The following WASF1 variants were observed in gnomAD, a reference collection of about 807,000 sequenced individuals.
The protein encoded by WASF1 is WASP family member 1.
In WASF1, 7 loss-of-function variants were observed where a neutral mutation model predicts 50.5. The observed-to-expected ratio is 0.14, with a 90% CI of 0.08 to 0.26. The LOEUF (loss-of-function observed/expected upper bound fraction) is 0.26, where lower values mean the gene tolerates loss of function less well. WASF1 is among the 10% of genes least tolerant of loss of function. WASF1 has a pLI of 1.00. For synonymous variants in WASF1, 205 were observed against 244.0 expected (o/e 0.84, Z 1.49); for missense variants, 470 against 694.7 (o/e 0.68, Z 3.64).
At chr6:110,175,787 C>G (rs1330099707) in intron 2 of WASF1, among the ~76,000 whole-genome samples, 1 of 152,104 alleles carries the variant, frequency 6.6e-6, no homozygotes, top group African/African-American at 2.4e-5. Context: ...AGAACAAGTT[C>G]CTAATAATGT....
At chr6:110,126,854 CCT>C (rs1774439703) in intron 4 of WASF1, among the ~76,000 whole-genome samples, 1 of 152,188 alleles carries the variant, frequency 6.6e-6, no homozygotes, top group Admixed American at 6.6e-5. Flanking sequence ...CCCTAATCTG[CCT>C]CTTTCACTGG....
intron 2 of WASF1, among the ~76,000 whole-genome samples, chr6:110,162,337 G>A (rs1170768044): frequency 2.0e-5 from 3 of 150,016 alleles, no homozygotes; most frequent in Non-Finnish European, 4.5e-5. Flanking sequence ...GATTTGTCAC[G>A]CAGACAACGT....
intron 3 of WASF1, among the ~76,000 whole-genome samples, chr6:110,160,268 G>A (rs990374414): frequency 2.0e-5 from 3 of 151,772 alleles, no homozygotes; most frequent in Non-Finnish European, 2.9e-5. Flanking sequence ...ATGGGAAAAC[G>A]AGATATAGGA....
chr6:110,113,084 C>CA (rs1773639926), intron 5 of WASF1, among the ~76,000 whole-genome samples: 1 of 151,580 alleles, frequency 6.6e-6, no homozygotes, highest in African/African-American at 2.4e-5. Flanking sequence ...CTTCTTTATG[C>CA]AAAAAAATTA....
intron 2 of WASF1, among the ~76,000 whole-genome samples, chr6:110,171,751 C>A (rs190642102): frequency 6.6e-6 from 1 of 152,176 alleles, no homozygotes; most frequent in East Asian, 1.9e-4. Flanking sequence ...AGGCAACCTA[C>A]AGAATGGGAG....
intron 9 of WASF1, 116 bp from the exon 10 acceptor site, chr6:110,102,332 A>C: frequency 9.5e-7 from 1 of 1,053,026 alleles, no homozygotes; most frequent in Non-Finnish European, 1.2e-6. Flanking sequence ...ATCCAATAAC[A>C]TGCTCCTATA....
rs1423262232 is a variant in WASF1, at chr6:110,108,680, C to T, written c.270G>A (p.Leu90=). ...TCCTCATTGTTATATCTTGCAAAGACACTAAAACAAAAATCAAGAATTCAT... is the reference window on the plus strand; with the variant it reads ...TCCTCATTGTTATATCTTGCAAAGATACTAAAACAAAAATCAAGAATTCAT... ...VTQLDPKEEE[L]SLQDITMRKA... is the part of the protein sequence containing the mutation. Residue 90 remains leucine, a splice_region_variant and synonymous_variant, in exon 6 of 11, where the codon TTG becomes TTA. Transcript: ENST00000392589. 6.2e-7 allele frequency: 1 copy of T among 1,608,248 alleles called. No homozygotes were observed. Among genetic ancestry groups the T allele is most frequent in the Admixed American group, 1.7e-5 (1 of 58,226 alleles).
chr6:110,153,835 T>A (rs548663403), intron 3 of WASF1, among the ~76,000 whole-genome samples: 1 of 151,552 alleles, frequency 6.6e-6, no homozygotes, highest in South Asian at 2.1e-4. Context: ...GATTTGTGTG[T>A]GTCTGGTAAT....
At chr6:110,174,309 C>T (rs78413083) in intron 2 of WASF1, among the ~76,000 whole-genome samples, 1,816 of 152,192 alleles carry the variant, frequency 0.012, 11 homozygotes, top group South Asian at 0.028. Flanking sequence ...TGTATTTGTT[C>T]AACACCTGTT....
At chr6:110,104,791 A>C (rs1773245894) in intron 8 of WASF1, among the ~76,000 whole-genome samples, 2 of 152,204 alleles carry the variant, frequency 1.3e-5, no homozygotes, top group Non-Finnish European at 2.9e-5. Context: ...TCTGTCTCAA[A>C]ACAAACAAAC....
At chr6:110,164,931 G>T (rs981955153) in intron 2 of WASF1, among the ~76,000 whole-genome samples, 1 of 151,576 alleles carries the variant, frequency 6.6e-6, no homozygotes, top group Non-Finnish European at 1.5e-5. Context: ...CCAAGTCAAA[G>T]AAGCGAATTT....
chr6:110,135,634 G>A (rs1774912135), intron 3 of WASF1, among the ~76,000 whole-genome samples: 1 of 148,646 alleles, frequency 6.7e-6, no homozygotes. Context: ...CTATGAATAT[G>A]TTACATTATA....
chr6:110,148,344 A>C (rs1028898672), intron 3 of WASF1, among the ~76,000 whole-genome samples: 2 of 152,088 alleles, frequency 1.3e-5, no homozygotes, highest in Non-Finnish European at 2.9e-5. Flanking sequence ...TCCCCCGTGT[A>C]TTTCCTAGAA....
intron 3 of WASF1, among the ~76,000 whole-genome samples, chr6:110,154,151 A>G (rs1193844128): frequency 6.6e-6 from 1 of 152,146 alleles, no homozygotes; most frequent in African/African-American, 2.4e-5. Context: ...ACGGACTCAC[A>G]GGCAGAGACT....
At chr6:110,152,547 T>A (rs995077146) in intron 3 of WASF1, among the ~76,000 whole-genome samples, 1 of 152,110 alleles carries the variant, frequency 6.6e-6, no homozygotes, top group Non-Finnish European at 1.5e-5. Context: ...TGTTAGATAT[T>A]AAAAGAGAAG....
At chr6:110,123,872 G>C (rs1450047940) in intron 4 of WASF1, among the ~76,000 whole-genome samples, 1 of 151,540 alleles carries the variant, frequency 6.6e-6, no homozygotes, top group East Asian at 1.9e-4. Flanking sequence ...GACTAATCTT[G>C]GCAATAAGAA....
At chr6:110,143,486 C>T (rs191006007) in intron 3 of WASF1, among the ~76,000 whole-genome samples, 1 of 152,004 alleles carries the variant, frequency 6.6e-6, no homozygotes, top group African/African-American at 2.4e-5. Context: ...GATCAGATGT[C>T]ATAATGATTT....
intron 5 of WASF1, 127 bp downstream of exon 5, chr6:110,113,199 A>G (rs1289854129): frequency 4.9e-6 from 4 of 820,782 alleles, no homozygotes; most frequent in Non-Finnish European, 6.6e-6. Context: ...GATTTATTAC[A>G]ATATGTACAC....
intron 4 of WASF1, among the ~76,000 whole-genome samples, chr6:110,116,527 AAG>A (rs1255897508): frequency 6.6e-6 from 1 of 152,086 alleles, no homozygotes; most frequent in Non-Finnish European, 1.5e-5. Context: ...AGTGTAAACA[AAG>A]AGGCCGGTAA....
Sources: gnomAD v4.1 joint callset for allele counts (sites outside exome capture counted in the v4.1 genomes callset) on GRCh38, gnomAD v4.1.1 for gene constraint, MANE v1.5 for transcripts, NCBI Gene and HGNC (gene_info 2026-07-23, HGNC 2026-07-21) for gene names.